BMP5: variants seen among roughly 807,000 people sequenced by gnomAD.
BMP5 encodes bone morphogenetic protein 5.
Under a neutral mutation model 46.6 loss-of-function variants are expected in BMP5, and 23 were observed. The observed-to-expected ratio is 0.49, with a 90% CI of 0.35 to 0.70. The LOEUF is 0.70. Ranked by LOEUF, BMP5 falls within the 30% of genes least tolerant of loss-of-function variation. The pLI is 0.00. For synonymous variants in BMP5, 204 were observed against 191.9 expected (o/e 1.06, Z -0.52); for missense variants, 545 against 565.6 (o/e 0.96, Z 0.37).
intron 1 of BMP5, among the ~76,000 whole-genome samples, chr6:55,864,603 A>G (rs1777597722): frequency 6.6e-6 from 1 of 152,210 alleles, no homozygotes; most frequent in South Asian, 2.1e-4. Flanking sequence ...ACTCAGTCTC[A>G]GGTATTGTGT....
chr6:55,849,940 G>T (rs1045796843), intron 1 of BMP5, among the ~76,000 whole-genome samples: 2 of 151,956 alleles, frequency 1.3e-5, no homozygotes, highest in African/African-American at 4.8e-5. Flanking sequence ...ATTTTCTGGT[G>T]GACCTATCAA....
chr6:55,791,937 A>G (rs1383142228), intron 3 of BMP5, among the ~76,000 whole-genome samples: 1 of 152,150 alleles, frequency 6.6e-6, no homozygotes, highest in Non-Finnish European at 1.5e-5. Flanking sequence ...CCCAGTGCCA[A>G]TTTCCCAGTC....
At chr6:55,830,045 A>C (rs1776628791) in intron 1 of BMP5, among the ~76,000 whole-genome samples, 1 of 152,028 alleles carries the variant, frequency 6.6e-6, no homozygotes, top group Non-Finnish European at 1.5e-5. Context: ...TTTCCCTAAT[A>C]TCATCCTTAC....
intron 4 of BMP5, among the ~76,000 whole-genome samples, chr6:55,763,551 G>A (rs1400172441): frequency 1.3e-5 from 2 of 152,170 alleles, no homozygotes; most frequent in African/African-American, 4.8e-5. Context: ...TAAGCCGTAG[G>A]AGGAAGGGCA....
intron 1 of BMP5, among the ~76,000 whole-genome samples, chr6:55,840,244 T>A (rs1440099057): frequency 6.6e-6 from 1 of 152,088 alleles, no homozygotes; most frequent in Non-Finnish European, 1.5e-5. Flanking sequence ...CCACTAACTA[T>A]TTTTCTTTTA....
At chr6:55,785,615 T>C (rs1306967286) in intron 3 of BMP5, among the ~76,000 whole-genome samples, 1 of 151,746 alleles carries the variant, frequency 6.6e-6, no homozygotes, top group East Asian at 1.9e-4. Context: ...TCAGTAGAAA[T>C]CTAGTCATGT....
chr6:55,848,410 A>G (rs952801137), intron 1 of BMP5, among the ~76,000 whole-genome samples: 1 of 152,034 alleles, frequency 6.6e-6, no homozygotes, highest in Non-Finnish European at 1.5e-5. Flanking sequence ...GTGATATACT[A>G]CTTATAATTC....
rs188750326 is a variant in BMP5, at chr6:55,825,394, A to G, written c.491-5547T>C. On this transcript the variant is annotated intron_variant, in intron 1 of 6. Transcript: ENST00000370830. ...AAAAAGTGGTAACATCAAAGCATAC[A>G]AGATGTAAAATATGAATCAAATTAT... is the stretch of plus-strand genomic sequence containing the variant. Among the ~76,000 whole-genome samples, 798 of 151,926 alleles carry G rather than the reference A, an allele frequency of 5.3e-3. 5 individuals are homozygous for G. The highest frequency in any genetic ancestry group is 0.037 in the South Asian group (178 of 4,812).
chr6:55,814,855 C>T (rs925781843), intron 2 of BMP5, among the ~76,000 whole-genome samples: 6 of 152,078 alleles, frequency 3.9e-5, no homozygotes, highest in Admixed American at 2.6e-4. Flanking sequence ...TATGGCCAAG[C>T]GTGGTGGCTC....
chr6:55,871,333 C>T (rs866699797), intron 1 of BMP5, among the ~76,000 whole-genome samples: 3 of 151,756 alleles, frequency 2.0e-5, no homozygotes, highest in South Asian at 2.1e-4. Context: ...GCAAAGAATT[C>T]AATCTGTAAA....
intron 3 of BMP5, among the ~76,000 whole-genome samples, chr6:55,779,803 G>T (rs72868882): frequency 0.038 from 5,784 of 152,072 alleles, 166 homozygotes; most frequent in Non-Finnish European, 0.058. Context: ...ATACAGACTT[G>T]AAGTATCACA....
At chr6:55,846,099 C>A (rs568294278) in intron 1 of BMP5, among the ~76,000 whole-genome samples, 2 of 151,998 alleles carry the variant, frequency 1.3e-5, no homozygotes, top group East Asian at 3.9e-4. Context: ...CTTTGAATGG[C>A]CCACTAGACT....
Position 55,874,364 on chromosome 6 carries a change from T to A in BMP5, c.490+12A>T. On this transcript the variant is annotated intron_variant, in intron 1 of 6. Transcript: ENST00000370830. ...GTAATAACATAGATTAACAAACAAA[T>A]GAACAACATACCTAAGTTGACAAAG... 1 of 1,612,870 alleles carries A rather than the reference T, an allele frequency of 6.2e-7. No homozygotes were observed.
chr6:55,864,203 C>T (rs557018773), intron 1 of BMP5, among the ~76,000 whole-genome samples: 2 of 152,150 alleles, frequency 1.3e-5, no homozygotes, highest in African/African-American at 4.8e-5. Context: ...AATAACTACC[C>T]ATCACAATTA....
intron 1 of BMP5, among the ~76,000 whole-genome samples, chr6:55,842,010 AT>A (rs1239285375): frequency 6.6e-6 from 1 of 151,958 alleles, no homozygotes; most frequent in Non-Finnish European, 1.5e-5. Flanking sequence ...TATCTGTATC[AT>A]CTTGCAGTAG....
chr6:55,762,101 A>G (rs1774797496), intron 4 of BMP5, among the ~76,000 whole-genome samples: 1 of 152,116 alleles, frequency 6.6e-6, no homozygotes, highest in Non-Finnish European at 1.5e-5. Context: ...TGCATCTGGA[A>G]TAAAGTAAAA....
chr6:55,792,609 G>T (rs1004308387), intron 3 of BMP5, among the ~76,000 whole-genome samples: 1 of 150,750 alleles, frequency 6.6e-6, no homozygotes, highest in African/African-American at 2.4e-5. Context: ...TATTCAATTT[G>T]TGTGTGAACT....
chr6:55,795,940 T>A (rs944615686), intron 2 of BMP5, among the ~76,000 whole-genome samples: 5 of 152,198 alleles, frequency 3.3e-5, no homozygotes, highest in African/African-American at 1.2e-4. Context: ...TAGAACCCTT[T>A]ATAGTCCCAG....
At chr6:55,860,318 A>G (rs1777501726) in intron 1 of BMP5, among the ~76,000 whole-genome samples, 2 of 152,216 alleles carry the variant, frequency 1.3e-5, no homozygotes, top group Admixed American at 1.3e-4. Flanking sequence ...AATTCATTTC[A>G]GGAAACCCTG....
Sources: allele counts gnomAD v4.1 joint callset (sites outside exome capture counted in the v4.1 genomes callset), GRCh38; gene constraint gnomAD v4.1.1; transcripts MANE v1.5; gene names NCBI Gene and HGNC (gene_info 2026-07-23, HGNC 2026-07-21).